Variants in DENND4A observed in about 807,000 individuals in gnomAD.
DENND4A encodes C-myc promoter-binding protein.
A neutral mutation model predicts 199.3 loss-of-function variants in DENND4A; 70 were observed. The observed-to-expected ratio is 0.35, with a 90% CI of 0.29 to 0.43. DENND4A has a LOEUF of 0.43. DENND4A is among the 20% of genes least tolerant of loss of function. The pLI is 1.00. For missense variants in DENND4A, 1,723 were observed against 2,255.8 expected (o/e 0.76, Z 4.78); for synonymous variants, 686 against 766.9 (o/e 0.89, Z 1.74).
chr15:65,731,390 C>G, intron 9 of DENND4A: 3 of 410,750 alleles, frequency 7.3e-6, no homozygotes, highest in Non-Finnish European at 1.5e-5. Flanking sequence ...TACATAAATA[C>G]ACACACACAC....
intron 15 of DENND4A, among the ~76,000 whole-genome samples, chr15:65,704,330 C>T (rs147201033): frequency 1.3e-5 from 2 of 151,976 alleles, no homozygotes; most frequent in Non-Finnish European, 2.9e-5. Context: ...AGAAAAAAAC[C>T]GACAGATTCT....
At chr15:65,706,652 T>C (rs1012976335) in intron 14 of DENND4A, among the ~76,000 whole-genome samples, 1 of 152,162 alleles carries the variant, frequency 6.6e-6, no homozygotes, top group African/African-American at 2.4e-5. Flanking sequence ...TGTGCCACCA[T>C]GCCCAGCTAA....
At chr15:65,718,018 G>A (rs1402657222) in intron 12 of DENND4A, 22 bp from the exon 13 acceptor site, 1 of 1,524,916 alleles carries the variant, frequency 6.6e-7, no homozygotes, top group East Asian at 2.3e-5. Context: ...TACAGTGTTA[G>A]TGTTTTCTCC....
chr15:65,669,389 G>A (rs546910119), intron 27 of DENND4A, among the ~76,000 whole-genome samples: 68 of 152,206 alleles, frequency 4.5e-4, no homozygotes, highest in African/African-American at 1.4e-3. Flanking sequence ...TGTTTTCTTA[G>A]ATTATTAAAT....
intron 12 of DENND4A, among the ~76,000 whole-genome samples, chr15:65,721,433 C>T (rs899321077): frequency 1.3e-5 from 2 of 151,750 alleles, no homozygotes; most frequent in African/African-American, 2.4e-5. Flanking sequence ...TTATGTTGTA[C>T]CTAAACATAA....
intron 29 of DENND4A, among the ~76,000 whole-genome samples, chr15:65,667,159 G>T (rs140621061): frequency 5.3e-5 from 8 of 152,090 alleles, no homozygotes; most frequent in Admixed American, 4.6e-4. Flanking sequence ...GTGAAACCCC[G>T]TCTCTACTAA....
intron 1 of DENND4A, among the ~76,000 whole-genome samples, chr15:65,767,981 C>A (rs1313294493): frequency 6.6e-6 from 1 of 152,072 alleles, no homozygotes; most frequent in Non-Finnish European, 1.5e-5. Context: ...AATCAGTTCT[C>A]CGTATCTCAG....
At chr15:65,664,856 A>G in intron 30 of DENND4A, 134 bp from the exon 31 acceptor site, 1 of 780,370 alleles carries the variant, frequency 1.3e-6, no homozygotes, top group South Asian at 2.4e-5. Context: ...AGAAATAGGA[A>G]TCCAAGAATG....
intron 20 of DENND4A, among the ~76,000 whole-genome samples, chr15:65,700,278 C>T (rs139783319): frequency 0.013 from 1,959 of 152,060 alleles, 11 homozygotes; most frequent in Non-Finnish European, 0.019. Flanking sequence ...AGATCTATGT[C>T]TACGCAGAGT....
At chr15:65,779,822 G>T (rs1347645208) in intron 1 of DENND4A, among the ~76,000 whole-genome samples, 1 of 152,122 alleles carries the variant, frequency 6.6e-6, no homozygotes, top group Non-Finnish European at 1.5e-5. Flanking sequence ...GCTAATTTTT[G>T]TATTTTTAGT....
intron 22 of DENND4A, 121 bp downstream of exon 22, chr15:65,696,245 G>A: frequency 1.6e-6 from 2 of 1,249,886 alleles, no homozygotes; most frequent in Middle Eastern, 2.0e-4. Flanking sequence ...GCCATGAGAG[G>A]CTGCACAAAA....
rs371033356 is a variant in DENND4A, at chr15:65,715,638, T to C, written c.1808-15A>G. 2.0e-5 allele frequency: 30 copies of C among 1,528,128 alleles called. No individual in the cohort carries two copies. Among genetic ancestry groups the C allele is most frequent in the Non-Finnish European group, 2.6e-5 (30 of 1,141,344 alleles). The allele number at this position is 1,528,128 out of a possible 1,614,324, so 94.7% of individuals were successfully genotyped here. On this transcript the variant is annotated splice_polypyrimidine_tract_variant and intron_variant, in intron 13 of 32. Transcript: ENST00000443035. ...TCTTAAGAAAGCTGTTCAACAAAAA[T>C]ATATAATGTCAGAATACATAATATC...
At position 65,669,885 on chromosome 15, in the gene DENND4A, A is replaced by G; in HGVS notation, c.4681T>C (p.Phe1561Leu). The G allele has an allele frequency of 6.2e-7, 1 of 1,613,944 alleles. No individual in the cohort carries two copies. The highest frequency in any genetic ancestry group is 8.5e-7 in the Non-Finnish European group (1 of 1,179,848). ...GTCTGACTTGAAATGGAGGATGGAA[A>G]GTGCATATTTTCTGTTGATGGGCTT... Reference protein sequence around the residue: ...KSSPSTENMHFPSSISSQTRQ... With the variant: ...KSSPSTENMHLPSSISSQTRQ... Residue 1561 changes from phenylalanine (F) to leucine (L), a missense_variant, in exon 27 of 33, where the codon TTT (phenylalanine) becomes CTT (leucine). Around this residue, in one of 6 missense-constraint regions of DENND4A, gnomAD observed 141 missense variants for 170.7 expected, o/e 0.83. Coordinates refer to ENST00000443035, the MANE Select transcript of DENND4A (RefSeq NM_001320835.1).
chr15:65,735,138 G>A (rs183422196), intron 7 of DENND4A, among the ~76,000 whole-genome samples: 35 of 152,044 alleles, frequency 2.3e-4, no homozygotes, highest in African/African-American at 6.8e-4. Context: ...AGCACTTCGG[G>A]AGGCCAAGGT....
chr15:65,771,593 T>C (rs1197460393), intron 1 of DENND4A: 2 of 1,612,876 alleles, frequency 1.2e-6, no homozygotes, highest in Middle Eastern at 1.7e-4. Context: ...TCCTCTTTCC[T>C]CTTCTCTTTC....
intron 22 of DENND4A, among the ~76,000 whole-genome samples, chr15:65,692,908 G>A (rs1184439436): frequency 6.6e-6 from 1 of 152,146 alleles, no homozygotes; most frequent in African/African-American, 2.4e-5. Flanking sequence ...CCAGAGGTTT[G>A]CAAACTATAC....
intron 1 of DENND4A, chr15:65,771,587 C>A: frequency 6.2e-7 from 1 of 1,612,904 alleles, no homozygotes; most frequent in Non-Finnish European, 8.5e-7. Flanking sequence ...TCCATCTCCT[C>A]TTTCCTCTTC....
intron 24 of DENND4A, 97 bp downstream of exon 24, chr15:65,676,348 A>T (rs1306827121): frequency 9.1e-7 from 1 of 1,095,640 alleles, no homozygotes; most frequent in African/African-American, 1.6e-5. Context: ...TTACAAAATT[A>T]AAAAACAACA....
chr15:65,764,168 T>A (rs1406595066), intron 1 of DENND4A, among the ~76,000 whole-genome samples: 1 of 152,194 alleles, frequency 6.6e-6, no homozygotes, highest in Non-Finnish European at 1.5e-5. Context: ...GTTTTGACCA[T>A]AACTCTGCCC....
Sources: allele counts gnomAD v4.1 joint callset (sites outside exome capture counted in the v4.1 genomes callset), GRCh38; gene constraint gnomAD v4.1.1; regional missense constraint gnomAD v4.1.1; transcripts MANE v1.5; gene names NCBI Gene and HGNC (gene_info 2026-07-23, HGNC 2026-07-21).